Variants in MACF1 observed in about 807,000 individuals in gnomAD.
MACF1 encodes microtubule-actin cross-linking factor 1.
MACF1 carries 193 observed loss-of-function variants against 854.8 expected under a neutral mutation model. The observed-to-expected ratio is 0.23, with a 90% CI of 0.20 to 0.25. The LOEUF (loss-of-function observed/expected upper bound fraction) is 0.25. MACF1 is among the 10% of genes least tolerant of loss of function. The probability of loss-of-function intolerance (pLI) is 1.00; values close to 1 mark genes in which losing one functional copy is unlikely to be tolerated. For missense variants in MACF1, 7,722 were observed against 8,929.1 expected, an observed-to-expected ratio of 0.86 and a Z score of 5.45; for synonymous variants, 3,185 against 3,226.7, an observed-to-expected ratio of 0.99 and a Z score of 0.44.
Position 39,283,144 on chromosome 1 carries a change from A to G in MACF1, c.696-45A>G, listed in dbSNP as rs1557562129. On this transcript the variant is annotated intron_variant, in intron 7 of 100. Coordinates refer to ENST00000564288, the MANE Select transcript of MACF1 (RefSeq NM_001394062.1). The surrounding 1 kb of genome is among the most constrained non-coding windows in gnomAD (Gnocchi z 4.5). ...TTTTCTTTGTGTAAACTCATGTGTGATGTGTAGATGGTGGCGTTTCATGTG... is the reference window on the plus strand; with the variant it reads ...TTTTCTTTGTGTAAACTCATGTGTGGTGTGTAGATGGTGGCGTTTCATGTG... 1 of 1,175,336 alleles carries G rather than the reference A, an allele frequency of 8.5e-7. No homozygotes were observed. The highest frequency in any genetic ancestry group is 1.3e-6 in the Non-Finnish European group (1 of 783,090). 72.8% of individuals were successfully genotyped at this position (1,175,336 alleles called of 1,614,324 possible). A position where few individuals can be genotyped will look rare whatever the true frequency, so the allele number is the denominator to read the frequency against.
In MACF1 at chr1:39,359,237, G is replaced by A. The variant is rs1245425261; in HGVS notation, c.12217G>A (p.Asp4073Asn). The change falls in exon 47 of 101, where the codon GAC (aspartate) becomes AAC (asparagine). Residue 4073 changes from aspartate (D) to asparagine (N), a missense_variant. Coordinates refer to ENST00000564288, the MANE Select transcript of MACF1 (RefSeq NM_001394062.1). ...IMEIEGEPAP[D>N]HRHVQETTDS... ...GGAAATTGAAGGGGAGCCAGCCCCA[G>A]ACCACAGGCATGTTCAAGAAACTAC... 3 of 1,614,162 alleles carry A rather than the reference G, an allele frequency of 1.9e-6. No individual in the cohort carries two copies. Among genetic ancestry groups the A allele is most frequent in the Non-Finnish European group, 2.5e-6 (3 of 1,180,036 alleles).
chr1:39,267,411 A>G (rs1162572668), intron 6 of MACF1, among the ~76,000 whole-genome samples: 1 of 152,120 alleles, frequency 6.6e-6, no homozygotes, highest in African/African-American at 2.4e-5. Flanking sequence ...TTTGTATTTT[A>G]GTAGAGACGG....
chr1:39,423,937 G>T, intron 60 of MACF1, 91 bp from the exon 61 acceptor site: 1 of 1,114,536 alleles, frequency 9.0e-7, no homozygotes, highest in Non-Finnish European at 1.3e-6. Flanking sequence ...CTTAGGATTT[G>T]GCGGGTTGGT....
At chr1:39,325,937 A>T (rs1019580240) in intron 35 of MACF1, among the ~76,000 whole-genome samples, 1 of 152,136 alleles carries the variant, frequency 6.6e-6, no homozygotes, top group Non-Finnish European at 1.5e-5. Flanking sequence ...GGCTCTGTCT[A>T]TGTGGTTGTG....
intron 2 of MACF1, among the ~76,000 whole-genome samples, chr1:39,193,307 G>T (rs2484762): frequency 0.95 from 144,032 of 151,934 alleles, 68,373 homozygotes; most frequent in East Asian, 1. Flanking sequence ...GGGTCAAAAT[G>T]CCAGAGAGAG....
chr1:39,387,631 G>A lies in MACF1; in HGVS notation c.14789G>A (p.Arg4930Gln), dbSNP rs775201516. 12 of 1,614,180 alleles carry A rather than the reference G, an allele frequency of 7.4e-6. No homozygotes were observed. The highest frequency in any genetic ancestry group is 9.3e-6 in the Non-Finnish European group (11 of 1,180,024). ...TGTAAAGCTAAGATGTCTGAGTTGC[G>A]AGTCACTCTGGATCCAGTGCAGCTA... The part of the protein sequence containing the change: ...EDCKAKMSEL[R>Q]VTLDPVQLES... The change falls in exon 58 of 101, where the codon CGA (arginine) becomes CAA (glutamine). Residue 4930 changes from arginine to glutamine, a missense_variant. By Grantham distance (43) the Arg-to-Gln change is conservative. Around this residue, in one of 15 missense-constraint regions of MACF1, gnomAD observed 2,807 missense variants for 3,235.8 expected, o/e 0.87. Coordinates refer to ENST00000564288, the MANE Select transcript of MACF1 (RefSeq NM_001394062.1).
intron 2 of MACF1, among the ~76,000 whole-genome samples, chr1:39,172,773 A>C (rs1296262278): frequency 1.3e-5 from 2 of 152,178 alleles, no homozygotes; most frequent in African/African-American, 4.8e-5. Context: ...TTACTGACTG[A>C]GTATAAAAGC....
In MACF1 at chr1:39,182,066, G is replaced by A. The variant is rs189077287; in HGVS notation, c.221-49116G>A. On this transcript the variant is annotated intron_variant, in intron 2 of 93. Coordinates refer to the MACF1 transcript ENST00000361689. ...CTCGGGAGGCTGAGGCAGGAGAATCGCTTGAACCCGGGAGGCAGAGGTTGC... is the reference window on the plus strand; with the variant it reads ...CTCGGGAGGCTGAGGCAGGAGAATCACTTGAACCCGGGAGGCAGAGGTTGC... Among the ~76,000 whole-genome samples the A allele has an allele frequency of 8.6e-4, 131 of 151,504 alleles. 1 individual carries two copies. The highest frequency in any genetic ancestry group is 2.7e-3 in the African/African-American group (113 of 41,258).
At chr1:39,418,516 A>T (rs1348096553) in intron 58 of MACF1, among the ~76,000 whole-genome samples, 1 of 152,242 alleles carries the variant, frequency 6.6e-6, no homozygotes, top group African/African-American at 2.4e-5. Context: ...CTAGAAGAGG[A>T]GAAAGAAAAC....
chr1:39,475,944 A>G (rs923145446), intron 97 of MACF1, among the ~76,000 whole-genome samples: 1 of 152,140 alleles, frequency 6.6e-6, no homozygotes, highest in African/African-American at 2.4e-5. Context: ...GTGGTCAGCA[A>G]GGGAGCAGGC....
At chr1:39,440,111 C>CTTTTCTTTTTTTTTTTTTTTTTTT (rs1553414036) in intron 72 of MACF1, among the ~76,000 whole-genome samples, 2 of 64,570 alleles carry the variant, frequency 3.1e-5, no homozygotes, top group African/African-American at 6.7e-5. Flanking sequence ...CTTTTCTTTT[C>CTTTTCTTTTTTTTTTTTTTTTTTT]TTTTTTTTTT....
At chr1:39,221,357 C>T (rs1265020543) in intron 1 of MACF1, among the ~76,000 whole-genome samples, 3 of 152,162 alleles carry the variant, frequency 2.0e-5, no homozygotes, top group Non-Finnish European at 4.4e-5. Context: ...GAAGATTTGT[C>T]GAAATAGGCT....
At chr1:39,094,762 T>C (rs925707284) in intron 2 of MACF1, among the ~76,000 whole-genome samples, 2 of 151,116 alleles carry the variant, frequency 1.3e-5, no homozygotes, top group Non-Finnish European at 2.9e-5. Context: ...CGTGGTGGTA[T>C]GCGCCTGTAA....
chr1:39,428,254 G>A lies in MACF1; in HGVS notation c.16770G>A (p.Gln5590=), dbSNP rs1054179556. 1.2e-6 allele frequency: 2 copies of A among 1,613,128 alleles called. No individual in the cohort carries two copies. The highest frequency in any genetic ancestry group is 2.7e-5 in the African/African-American group (2 of 74,908). The stretch of plus-strand genomic sequence containing the variant: ...CAGTGTTCGTAAAGGATTTCAAACA[G>A]GATGTCCTGCACAGGCAGCATGCTG... The part of the protein sequence containing the change: ...LSSVFVKDFK[Q]DVLHRQHADH... Residue 5590 remains glutamine, a synonymous_variant, in exon 63 of 101, where the codon CAG becomes CAA. Transcript: ENST00000564288.
intron 84 of MACF1, 69 bp from the exon 85 acceptor site, chr1:39,450,983 C>A: frequency 6.6e-7 from 1 of 1,526,070 alleles, no homozygotes; most frequent in Non-Finnish European, 9.0e-7. Context: ...TCCCTTTCAG[C>A]GAGGCAGAAT....
rs1222230239 is a variant in MACF1, at chr1:39,303,089, T to G, written c.2789+11T>G. ...TGAGATGGCCAGCAGGTAACTTGGC[T>G]CAGCTGCCACTGGTACACCCACCTC... On this transcript the variant is annotated intron_variant, in intron 23 of 100. Coordinates refer to ENST00000564288, the MANE Select transcript of MACF1 (RefSeq NM_001394062.1). The G allele has an allele frequency of 3.7e-6, 6 of 1,612,766 alleles. No homozygotes were observed. The South Asian group carries it at 6.6e-5, about 18-fold the overall frequency.
intron 2 of MACF1, among the ~76,000 whole-genome samples, chr1:39,170,059 G>A (rs1643927352): frequency 6.6e-6 from 1 of 151,138 alleles, no homozygotes; most frequent in South Asian, 2.1e-4. Context: ...GAGATTACAG[G>A]CGTGAGCCAC....
chr1:39,219,875 C>T (rs929613223), intron 1 of MACF1, among the ~76,000 whole-genome samples: 6 of 151,998 alleles, frequency 3.9e-5, no homozygotes, highest in African/African-American at 9.7e-5. Context: ...CTCAGCCTCC[C>T]GAGTAGCTGG....
At chr1:39,404,650 A>G (rs772997324) in intron 58 of MACF1, among the ~76,000 whole-genome samples, 3 of 152,054 alleles carry the variant, frequency 2.0e-5, no homozygotes, top group Non-Finnish European at 2.9e-5. Context: ...TGCCTGGCCA[A>G]TTTTTTAACT....
Sources: gnomAD v4.1 joint callset for allele counts (sites outside exome capture counted in the v4.1 genomes callset) on GRCh38, gnomAD v4.1.1 for gene constraint, gnomAD v4.1.1 regional missense constraint, Gnocchi (gnomAD v3.1) non-coding constraint, MANE v1.5 for transcripts, NCBI Gene and HGNC (gene_info 2026-07-23, HGNC 2026-07-21) for gene names.